The following GGT1 variants were observed in gnomAD, a reference collection of about 807,000 sequenced individuals.
The protein encoded by GGT1 is gamma-glutamyltransferase 1.
A neutral mutation model predicts 56.0 loss-of-function variants in GGT1; 21 were observed. The ratio of observed to expected loss-of-function variants is 0.38; its 90% confidence interval spans 0.27 to 0.54. The LOEUF is 0.54. Ranked by LOEUF, GGT1 falls within the 20% of genes least tolerant of loss-of-function variation. The pLI, the probability that GGT1 is intolerant of heterozygous loss-of-function variation, is 0.82. For missense variants in GGT1, 466 were observed against 787.0 expected (o/e 0.59, Z 4.88); for synonymous variants, 238 against 342.6 (o/e 0.69, Z 3.37).
At chr22:24,614,676 TTC>T in intron 5 of GGT1, 98 bp from the exon 6 acceptor site, 1 of 1,030,102 alleles carries the variant, frequency 9.7e-7, no homozygotes, top group Admixed American at 2.3e-5. Context: ...TCGAATGGAC[TTC>T]TCTTCCATCC....
At chr22:24,592,430 G>A (rs1338302432), upstream of GGT1, 1 of 470,500 alleles carries the variant, frequency 2.1e-6, no homozygotes, top group African/African-American at 2.0e-5. Context: ...GATCCTGGAG[G>A]AGGGGGAAGT....
intron 9 of GGT1, among the ~76,000 whole-genome samples, chr22:24,622,890 G>A (rs1219037721): frequency 1.3e-5 from 2 of 152,210 alleles, no homozygotes; most frequent in African/African-American, 4.8e-5. Context: ...TGCCGGAGCT[G>A]ATGAGGTTCC....
rs1307506796 is a variant in GGT1 at position 24,623,826 on chromosome 22, C to T, written c.930C>T (p.Gly310=). 5.6e-6 allele frequency: 9 copies of T among 1,611,752 alleles called. No individual in the cohort carries two copies. In the South Asian group the frequency reaches 6.6e-5, roughly 12 times the overall value. ...GCGTGGAGAGCCCCGAGCAGAAGGG[C>T]CTGACGTACCACCGCATCGTAGAGG... ...RESVESPEQK[G]LTYHRIVEAF... Residue 310 remains glycine (G), a synonymous_variant, in exon 11 of 16, where the codon GGC becomes GGT. Coordinates refer to ENST00000400382, the MANE Select transcript of GGT1 (RefSeq NM_001288833.2).
rs114348860 is a variant in GGT1 at position 24,597,708 on chromosome 22, A to C, written c.-324+2822A>C. ...AAACACACACACACACACACACACA[A>C]AACAACTGTGTTTCGCCTCTGTTCT... On this transcript the variant is annotated intron_variant, in intron 1 of 6. Transcript: ENST00000411974. Among the ~76,000 whole-genome samples the C allele has an allele frequency of 8.9e-3, 1,329 of 149,352 alleles. 17 individuals carry two copies. The highest frequency in any genetic ancestry group is 0.032 in the African/African-American group (1,253 of 38,914).
chr22:24,624,509 C>T (rs2047629894), intron 11 of GGT1: 7 of 938,288 alleles, frequency 7.5e-6, no homozygotes, highest in Middle Eastern at 5.7e-4. Flanking sequence ...CCAGGAGGGG[C>T]GTCAGCTGCC....
intron 7 of GGT1, among the ~76,000 whole-genome samples, chr22:24,618,482 T>C (rs1041820183): frequency 2.0e-5 from 3 of 152,148 alleles, no homozygotes; most frequent in Admixed American, 1.3e-4. Context: ...TACCAGCTAC[T>C]CGGGAGGCTG....
At chr22:24,605,866 ATATAT>A (rs1309684149) in intron 1 of GGT1, among the ~76,000 whole-genome samples, 1 of 78,548 alleles carries the variant, frequency 1.3e-5, no homozygotes, top group Non-Finnish European at 2.2e-5. Context: ...GATGTGTATT[ATATAT>A]TATATAATAT....
chr22:24,592,761 G>A, upstream of GGT1: 1 of 1,280,806 alleles, frequency 7.8e-7, no homozygotes, highest in African/African-American at 1.6e-5. Context: ...TCGCCTCCCG[G>A]CGGATACAGG....
chr22:24,620,948 A>T lies in GGT1; in HGVS notation c.611A>T (p.Glu204Val). The T allele has an allele frequency of 6.2e-7, 1 of 1,611,796 alleles. No homozygotes were observed. Among genetic ancestry groups the T allele is most frequent in the South Asian group, 1.1e-5 (1 of 90,986 alleles). Reference sequence around the variant, plus strand: ...TGCCGGGATAGAAAGGTGCTTCGGGAGGGGGAGAGACTGACCCTGCCGCAG... The same window carrying T: ...TGCCGGGATAGAAAGGTGCTTCGGGTGGGGGAGAGACTGACCCTGCCGCAG... Reference protein sequence around the residue: ...VFCRDRKVLREGERLTLPQLA... With the variant: ...VFCRDRKVLRVGERLTLPQLA... Residue 204 changes from glutamate (E) to valine (V), a missense_variant, in exon 9 of 16, where the codon GAG (glutamate) becomes GTG (valine). By Grantham distance (121) the Glu-to-Val change is moderately radical (BLOSUM62 -2). Coordinates refer to ENST00000400382, the MANE Select transcript of GGT1 (RefSeq NM_001288833.2). The surrounding 1 kb of genome is among the most constrained non-coding windows in gnomAD (Gnocchi z 5.6).
chr22:24,591,307 G>A (rs987411009), upstream of GGT1, among the ~76,000 whole-genome samples: 1 of 152,218 alleles, frequency 6.6e-6, no homozygotes, highest in African/African-American at 2.4e-5. Flanking sequence ...TCGAATTCCC[G>A]ACTTCAGGTG....
Position 24,628,651 on chromosome 22 carries a change from T to C in GGT1, c.1564-42T>C, listed in dbSNP as rs776785106. Reference sequence around the variant, plus strand: ...CCACACAGATGTGGTTCAGGTGGCATCTGGAGCCCTGCTCAGGCTTCCCCT... The same window carrying C: ...CCACACAGATGTGGTTCAGGTGGCACCTGGAGCCCTGCTCAGGCTTCCCCT... On this transcript the variant is annotated intron_variant, in intron 15 of 15. Coordinates refer to ENST00000400382, the MANE Select transcript of GGT1 (RefSeq NM_001288833.2). The surrounding 1 kb of genome is among the most constrained non-coding windows in gnomAD (Gnocchi z 5.7). The C allele has an allele frequency of 3.1e-6, 5 of 1,610,966 alleles. No individual in the cohort carries two copies. In the Admixed American group the frequency reaches 5.0e-5, roughly 16 times the overall value.
chr22:24,589,848 C>A, upstream of GGT1: 1 of 1,613,686 alleles, frequency 6.2e-7, no homozygotes, highest in South Asian at 1.1e-5. Context: ...GGTCCCGGGC[C>A]AGGTTCACAA....
In GGT1 at chr22:24,620,229, C is replaced by T. The variant is rs2047337216; in HGVS notation, c.383-99C>T. ...TCTTTCCTCCTAAGCCTCATTGCCC[C>T]ATCTGTAAAATGAGTCAGGGACTGT... is the stretch of plus-strand genomic sequence containing the variant. On this transcript the variant is annotated intron_variant, in intron 7 of 15. Transcript: ENST00000400382. This position sits in a 1 kb window ranked among gnomAD's most constrained non-coding sequence, Gnocchi z 5.6. 7.2e-7 allele frequency: 1 copy of T among 1,392,682 alleles called. No individual in the cohort carries two copies. The highest frequency in any genetic ancestry group is 1.4e-5 in the African/African-American group (1 of 70,460). The allele number at this position is 1,392,682 out of a possible 1,614,324, so 86.3% of individuals were successfully genotyped here.
chr22:24,627,780 G>A, intron 12 of GGT1, 72 bp from the exon 13 acceptor site: 2 of 1,565,670 alleles, frequency 1.3e-6, no homozygotes, highest in Non-Finnish European at 1.7e-6. Flanking sequence ...GTATGTTTGA[G>A]CCTCAGTGGG....
chr22:24,586,127 G>A, the GGT1 span: 4 of 1,613,244 alleles, frequency 2.5e-6, no homozygotes, highest in Non-Finnish European at 1.7e-6. Flanking sequence ...AGGGAACTTG[G>A]TGGTGTCCTT....
Position 24,621,063 on chromosome 22 carries a change from G to A in GGT1, c.726G>A (p.Gln242=), listed in dbSNP as rs745861632. 1.1e-5 allele frequency: 18 copies of A among 1,577,998 alleles called. No individual in the cohort carries two copies. The highest frequency in any genetic ancestry group is 1.8e-5 in the Admixed American group (1 of 54,998). The change falls in exon 9 of 16, where the codon CAG becomes CAA. Residue 242 remains glutamine, a synonymous_variant. Coordinates refer to ENST00000400382, the MANE Select transcript of GGT1 (RefSeq NM_001288833.2). ...SLTAQIVKDI[Q]AAGGIVTAED... is the part of the protein sequence containing the mutation. ...CGGCCCAGATTGTGAAGGACATCCA[G>A]GCGGCCGGTGAGTGGGTAACCTCAG...
chr22:24,607,871 C>A (rs2046422340), intron 1 of GGT1, 83 bp from the exon 2 acceptor site: 1 of 417,676 alleles, frequency 2.4e-6, no homozygotes, highest in Non-Finnish European at 5.0e-6. Flanking sequence ...TGGCTCTGAG[C>A]CACTCTGGAG....
At chr22:24,614,667 C>T (rs983678167) in intron 5 of GGT1, 109 bp from the exon 6 acceptor site, 27 of 945,070 alleles carry the variant, frequency 2.9e-5, no homozygotes, top group African/African-American at 2.0e-4. Flanking sequence ...CCCCAAAACT[C>T]GAATGGACTT....
intron 12 of GGT1, 50 bp from the exon 13 acceptor site, chr22:24,627,802 C>T: frequency 1.3e-6 from 2 of 1,586,332 alleles, no homozygotes; most frequent in Non-Finnish European, 1.7e-6. Flanking sequence ...GGATAGGGAC[C>T]AGGCTGGGCC....
Sources: allele counts gnomAD v4.1 joint callset (sites outside exome capture counted in the v4.1 genomes callset), GRCh38; gene constraint gnomAD v4.1.1; non-coding constraint Gnocchi (gnomAD v3.1); transcripts MANE v1.5; gene names NCBI Gene and HGNC (gene_info 2026-07-23, HGNC 2026-07-21).